The following NRXN1 variants were observed in gnomAD, a reference collection of about 807,000 sequenced individuals.
NRXN1 encodes the protein neurexin-1.
Under a neutral mutation model 150.9 loss-of-function variants are expected in NRXN1, and 39 were observed. The observed-to-expected ratio is 0.26, with a 90% confidence interval of 0.20 to 0.34. The LOEUF (loss-of-function observed/expected upper bound fraction) is 0.34, where lower values mean the gene tolerates loss of function less well. Ranked by LOEUF, NRXN1 falls within the 10% of genes least tolerant of loss-of-function variation. The probability of loss-of-function intolerance (pLI) is 1.00; values close to 1 mark genes in which losing one functional copy is unlikely to be tolerated. For synonymous variants in NRXN1, 924 were observed against 757.0 expected, an observed-to-expected ratio of 1.22 and a Z score of -3.62; for missense variants, 1,815 against 1,949.9, an observed-to-expected ratio of 0.93 and a Z score of 1.30.
chr2:50,106,194 A>G (rs1325228372), intron 18 of NRXN1, among the ~76,000 whole-genome samples: 2 of 149,846 alleles, frequency 1.3e-5, no homozygotes, highest in African/African-American at 2.4e-5. Context: ...TTTGAAATCA[A>G]CCTCTACATT....
intron 15 of NRXN1, among the ~76,000 whole-genome samples, chr2:50,488,239 C>T (rs888193527): frequency 1.3e-5 from 2 of 152,164 alleles, no homozygotes; most frequent in Non-Finnish European, 2.9e-5. Flanking sequence ...CCAGTAAACT[C>T]ATATTTGTAT....
At chr2:50,565,280 A>G (rs1460005469) in intron 8 of NRXN1, among the ~76,000 whole-genome samples, 2 of 152,296 alleles carry the variant, frequency 1.3e-5, no homozygotes, top group East Asian at 1.9e-4. Flanking sequence ...AACTCCTAAA[A>G]AAAAAAGAAA....
intron 22 of NRXN1, among the ~76,000 whole-genome samples, chr2:49,934,328 T>C (rs1558532258): frequency 6.6e-6 from 1 of 151,828 alleles, no homozygotes; most frequent in African/African-American, 2.4e-5. Flanking sequence ...CAAAGGAGAC[T>C]TTCCACTGCA....
At chr2:50,361,830 C>T (rs138956014) in intron 17 of NRXN1, among the ~76,000 whole-genome samples, 3 of 152,164 alleles carry the variant, frequency 2.0e-5, no homozygotes, top group Non-Finnish European at 4.4e-5. Context: ...CCCTGATGAA[C>T]ATCGATGCGA....
At chr2:50,558,899 G>A (rs188323065) in intron 8 of NRXN1, among the ~76,000 whole-genome samples, 2 of 151,956 alleles carry the variant, frequency 1.3e-5, no homozygotes, top group Non-Finnish European at 2.9e-5. Flanking sequence ...TGGCTAACAC[G>A]GTGAAACCCT....
At chr2:50,072,818 G>A (rs1658331928) in intron 19 of NRXN1, among the ~76,000 whole-genome samples, 2 of 152,064 alleles carry the variant, frequency 1.3e-5, no homozygotes, top group South Asian at 4.2e-4. Flanking sequence ...CACAGTGAAG[G>A]CCCAGCAAGT....
At position 51,027,550 on chromosome 2, in the gene NRXN1, C is replaced by A; in HGVS notation, c.724G>T (p.Val242Leu). ...AAGCCGGTTCGCGAGCAGTCGCACA[C>A]GGCCTGGTCGTCCACCACGGAGCAC... The part of the protein sequence containing the change: ...GVCSVVDDQA[V>L]CDCSRTGFRG... The change falls in exon 2 of 23, where the codon GTG becomes TTG. Residue 242 changes from valine (V) to leucine (L), a missense_variant. Val to Leu is a conservative substitution (Grantham distance 32). Transcript: ENST00000401669. 2 of 1,590,590 alleles carry A rather than the reference C, an allele frequency of 1.3e-6. No individual in the cohort carries two copies. The highest frequency in any genetic ancestry group is 1.1e-5 in the South Asian group (1 of 89,332).
At chr2:50,026,561 T>C (rs988641915) in intron 21 of NRXN1, among the ~76,000 whole-genome samples, 28 of 152,256 alleles carry the variant, frequency 1.8e-4, no homozygotes, top group African/African-American at 5.8e-4. Context: ...CTCAATGAGT[T>C]CAGTTACATC....
chr2:50,950,075 C>T (rs1691055565), intron 2 of NRXN1, among the ~76,000 whole-genome samples: 1 of 152,168 alleles, frequency 6.6e-6, no homozygotes, highest in Non-Finnish European at 1.5e-5. Context: ...CTGGAACTAT[C>T]TCCTGGCCTG....
chr2:50,828,530 A>G (rs1181199520), intron 5 of NRXN1, among the ~76,000 whole-genome samples: 18 of 133,118 alleles, frequency 1.4e-4, no homozygotes, highest in African/African-American at 4.4e-4. Flanking sequence ...CTGGGCAGAG[A>G]CGCTCCTCAC....
intron 5 of NRXN1, among the ~76,000 whole-genome samples, chr2:50,880,156 G>GT (rs986954659): frequency 5.3e-5 from 8 of 151,888 alleles, no homozygotes; most frequent in Non-Finnish European, 1.0e-4. Flanking sequence ...AAGAAGCTGG[G>GT]TTTTTTCCCT....
chr2:50,618,190 C>T (rs1309701192), intron 8 of NRXN1, among the ~76,000 whole-genome samples: 1 of 152,156 alleles, frequency 6.6e-6, no homozygotes, highest in Non-Finnish European at 1.5e-5. Context: ...GGGGATGCGG[C>T]TCTGCCCTCC....
At chr2:51,019,486 C>T (rs546566433) in intron 2 of NRXN1, among the ~76,000 whole-genome samples, 8 of 152,112 alleles carry the variant, frequency 5.3e-5, no homozygotes, top group Non-Finnish European at 1.2e-4. Context: ...TAAGGAGAGG[C>T]ATCTAGTCCA....
chr2:50,090,836 C>A lies in NRXN1; in HGVS notation c.3718+487G>T, dbSNP rs75392914. Among the ~76,000 whole-genome samples, 11 of 152,118 alleles carry A rather than the reference C, an allele frequency of 7.2e-5. No individual in the cohort carries two copies. In the East Asian group the frequency reaches 2.1e-3, roughly 29 times the overall value. On this transcript the variant is annotated intron_variant, in intron 19 of 22. Transcript: ENST00000401669. Reference sequence around the variant, plus strand: ...TGCTGATTTATGCTACTATTGTTTTCTCACTAGTTCTCTACTTATCTCACG... The same window carrying A: ...TGCTGATTTATGCTACTATTGTTTTATCACTAGTTCTCTACTTATCTCACG...
intron 5 of NRXN1, among the ~76,000 whole-genome samples, chr2:50,808,069 G>A (rs1010087585): frequency 6.6e-6 from 1 of 152,042 alleles, no homozygotes. Flanking sequence ...CCTTAAATGT[G>A]CATTTGTAAA....
chr2:50,571,161 GA>G (rs950319597), intron 8 of NRXN1, among the ~76,000 whole-genome samples: 1 of 152,180 alleles, frequency 6.6e-6, no homozygotes, highest in Non-Finnish European at 1.5e-5. Flanking sequence ...TTGATACCAG[GA>G]AGGAGATAGT....
intron 5 of NRXN1, among the ~76,000 whole-genome samples, chr2:50,774,059 G>A (rs540689055): frequency 7.9e-5 from 12 of 152,148 alleles, no homozygotes; most frequent in Admixed American, 6.5e-4. Flanking sequence ...TCAGTATATC[G>A]AATTGAAATA....
chr2:50,538,995 G>C (rs909159197), intron 9 of NRXN1, among the ~76,000 whole-genome samples: 1 of 152,178 alleles, frequency 6.6e-6, no homozygotes, highest in South Asian at 2.1e-4. Context: ...GATTCCCCTG[G>C]GTTAGTGCTT....
intron 18 of NRXN1, among the ~76,000 whole-genome samples, chr2:50,162,554 T>A (rs1405540994): frequency 6.6e-6 from 1 of 151,806 alleles, no homozygotes; most frequent in Non-Finnish European, 1.5e-5. Flanking sequence ...AACCAGAAGA[T>A]TAAGATAAAA....
Sources: allele counts gnomAD v4.1 joint callset (sites outside exome capture counted in the v4.1 genomes callset), GRCh38; gene constraint gnomAD v4.1.1; transcripts MANE v1.5; gene names NCBI Gene and HGNC (gene_info 2026-07-23, HGNC 2026-07-21).